Variants in ZNF407 observed in about 807,000 individuals in gnomAD.
The protein encoded by ZNF407 is zinc finger protein 407.
Under a neutral mutation model 131.2 loss-of-function variants are expected in ZNF407, and 17 were observed. The observed-to-expected ratio is 0.13, with a 90% CI of 0.09 to 0.19. The LOEUF is 0.19. Among genes scored for constraint, ZNF407 ranks in the 10% least tolerant of loss-of-function variants. The pLI is 1.00. For missense variants in ZNF407, 2,681 were observed against 2,830.6 expected (o/e 0.95, Z 1.20); for synonymous variants, 1,156 against 1,062.0 (o/e 1.09, Z -1.72).
chr18:74,676,516 A>G (rs926840087), intron 3 of ZNF407, among the ~76,000 whole-genome samples: 1 of 148,326 alleles, frequency 6.7e-6, no homozygotes, highest in Non-Finnish European at 1.5e-5. Context: ...GGCTCACTGC[A>G]AGCTCCGCCT....
At chr18:74,711,763 T>C (rs1053645638) in intron 3 of ZNF407, among the ~76,000 whole-genome samples, 1 of 152,194 alleles carries the variant, frequency 6.6e-6, no homozygotes, top group African/African-American at 2.4e-5. Context: ...CGGGTTGGAG[T>C]GCATTGGCAT....
intron 4 of ZNF407, among the ~76,000 whole-genome samples, chr18:74,810,471 T>C (rs1013950052): frequency 6.6e-6 from 1 of 152,168 alleles, no homozygotes; most frequent in African/African-American, 2.4e-5. Context: ...AGTCATATCC[T>C]GTTCTTGGTC....
At chr18:74,867,024 C>T (rs938408625) in intron 4 of ZNF407, among the ~76,000 whole-genome samples, 1 of 145,590 alleles carries the variant, frequency 6.9e-6, no homozygotes, top group Non-Finnish European at 1.5e-5. Flanking sequence ...GAAATTTAAT[C>T]CACCATAGTT....
At chr18:74,602,011 C>T (rs547535747) in intron 1 of ZNF407, among the ~76,000 whole-genome samples, 56 of 152,154 alleles carry the variant, frequency 3.7e-4, no homozygotes, top group Non-Finnish European at 7.1e-4. Flanking sequence ...AGTGAGGGAT[C>T]CACATCTGTA....
At chr18:74,865,072 G>T (rs1007422386) in intron 4 of ZNF407, among the ~76,000 whole-genome samples, 1 of 152,148 alleles carries the variant, frequency 6.6e-6, no homozygotes, top group Non-Finnish European at 1.5e-5. Flanking sequence ...TGAAGCCTCT[G>T]CTCCTATCTT....
At chr18:74,782,898 C>T (rs568871837) in intron 4 of ZNF407, among the ~76,000 whole-genome samples, 2 of 152,124 alleles carry the variant, frequency 1.3e-5, no homozygotes, top group Non-Finnish European at 2.9e-5. Flanking sequence ...CGACCGTGCC[C>T]GGCCTATTTC....
At chr18:74,628,249 T>G (rs933219190) in intron 1 of ZNF407, among the ~76,000 whole-genome samples, 1 of 152,170 alleles carries the variant, frequency 6.6e-6, no homozygotes, top group Non-Finnish European at 1.5e-5. Context: ...TATGACAATT[T>G]ATATATTTTA....
At chr18:74,861,067 A>G (rs1970931210) in intron 4 of ZNF407, among the ~76,000 whole-genome samples, 2 of 152,118 alleles carry the variant, frequency 1.3e-5, no homozygotes, top group South Asian at 4.1e-4. Flanking sequence ...CTCTTTTTAT[A>G]TGGCCTGTAA....
At chr18:74,962,612 A>C (rs1172132894) in intron 8 of ZNF407, among the ~76,000 whole-genome samples, 1 of 152,206 alleles carries the variant, frequency 6.6e-6, no homozygotes, top group African/African-American at 2.4e-5. Context: ...GTATACGCCA[A>C]ATATGCCATG....
chr18:75,001,502 G>A (rs1327657584), intron 8 of ZNF407, among the ~76,000 whole-genome samples: 3 of 152,118 alleles, frequency 2.0e-5, no homozygotes, highest in African/African-American at 7.2e-5. Context: ...AAGTGAAAAT[G>A]AAAAATGCCA....
At chr18:74,650,848 G>A (rs1417078914) in intron 3 of ZNF407, among the ~76,000 whole-genome samples, 1 of 152,152 alleles carries the variant, frequency 6.6e-6, no homozygotes, top group Non-Finnish European at 1.5e-5. Flanking sequence ...TGATTATACT[G>A]TGATAGAGAG....
At chr18:74,664,257 C>T (rs1016510014) in intron 3 of ZNF407, among the ~76,000 whole-genome samples, 3 of 152,270 alleles carry the variant, frequency 2.0e-5, no homozygotes, top group Non-Finnish European at 4.4e-5. Context: ...ATCAGCACTT[C>T]GGGAGGCCGA....
chr18:74,616,508 G>A (rs1983293753), intron 1 of ZNF407, among the ~76,000 whole-genome samples: 1 of 151,736 alleles, frequency 6.6e-6, no homozygotes, highest in Admixed American at 6.6e-5. Flanking sequence ...GTCTTTGTAA[G>A]TCACATGTAC....
intron 4 of ZNF407, among the ~76,000 whole-genome samples, chr18:74,839,764 G>A (rs2145129711): frequency 6.6e-6 from 1 of 152,176 alleles, no homozygotes; most frequent in East Asian, 1.9e-4. Flanking sequence ...TGTATGTATT[G>A]AAAGAGCACA....
chr18:74,972,458 C>A (rs1054971135), intron 8 of ZNF407, among the ~76,000 whole-genome samples: 2 of 152,172 alleles, frequency 1.3e-5, no homozygotes, highest in African/African-American at 4.8e-5. Context: ...CTATCACTGC[C>A]CAAGTGTTGA....
chr18:74,763,036 C>G (rs992479047), intron 3 of ZNF407, among the ~76,000 whole-genome samples: 1 of 151,942 alleles, frequency 6.6e-6, no homozygotes, highest in Non-Finnish European at 1.5e-5. Context: ...GTTTACATAT[C>G]CACCAGAAGA....
At chr18:74,646,649 C>G (rs1984987060) in intron 3 of ZNF407, among the ~76,000 whole-genome samples, 1 of 152,304 alleles carries the variant, frequency 6.6e-6, no homozygotes, top group Middle Eastern at 3.4e-3. Flanking sequence ...ACTGAATGAA[C>G]ATTTACGATT....
intron 3 of ZNF407, among the ~76,000 whole-genome samples, chr18:74,743,817 T>C (rs952661996): frequency 3.3e-5 from 5 of 152,178 alleles, no homozygotes; most frequent in Admixed American, 6.6e-5. Context: ...TAAGACATAC[T>C]TTTTAAAATA....
At chr18:74,942,377 G>A (rs971288985) in intron 8 of ZNF407, among the ~76,000 whole-genome samples, 3 of 152,068 alleles carry the variant, frequency 2.0e-5, no homozygotes, top group East Asian at 1.9e-4. Flanking sequence ...CTGAGCTAAA[G>A]ATTGATGCCA....
Sources: allele counts gnomAD v4.1 joint callset (sites outside exome capture counted in the v4.1 genomes callset), GRCh38; gene constraint gnomAD v4.1.1; transcripts MANE v1.5; gene names NCBI Gene and HGNC (gene_info 2026-07-23, HGNC 2026-07-21).